NIM1K: variants seen among roughly 807,000 people sequenced by gnomAD.
The protein encoded by NIM1K is NIM1 serine/threonine protein kinase, also known as serine/threonine-protein kinase NIM1.
NIM1K carries 35 observed loss-of-function variants against 37.1 expected under a neutral mutation model. The ratio of observed to expected loss-of-function variants is 0.94; its 90% confidence interval spans 0.72 to 1.25. The LOEUF (loss-of-function observed/expected upper bound fraction) is 1.25. Among genes scored for constraint, NIM1K ranks in the 50% most tolerant of loss-of-function variants. NIM1K has a pLI of 0.00. For synonymous variants in NIM1K, 234 were observed against 206.6 expected, an observed-to-expected ratio of 1.13 and a Z score of -1.14; for missense variants, 564 against 548.0, an observed-to-expected ratio of 1.03 and a Z score of -0.29.
At chr5:43,253,813 C>T (rs1014443930) in intron 2 of NIM1K, among the ~76,000 whole-genome samples, 2 of 152,052 alleles carry the variant, frequency 1.3e-5, no homozygotes, top group African/African-American at 4.8e-5. Context: ...GCACACGCCA[C>T]CATGCTCGGC....
chr5:43,248,997 G>C (rs564761928), intron 2 of NIM1K, among the ~76,000 whole-genome samples: 7 of 151,284 alleles, frequency 4.6e-5, no homozygotes, highest in African/African-American at 1.7e-4. Flanking sequence ...GCCTCATCCC[G>C]AGTAGCTGGG....
intron 1 of NIM1K, among the ~76,000 whole-genome samples, chr5:43,217,068 C>A (rs573155116): frequency 3.0e-4 from 46 of 152,308 alleles, no homozygotes; most frequent in African/African-American, 1.1e-3. Context: ...CCACTACTAT[C>A]AATTTTAGAA....
intron 1 of NIM1K, among the ~76,000 whole-genome samples, chr5:43,217,706 CT>C (rs1256361714): frequency 1.1e-4 from 13 of 113,348 alleles, no homozygotes; most frequent in Non-Finnish European, 2.0e-4. Context: ...GATCCTCTGT[CT>C]ATTTTTTTTT....
chr5:43,280,548 G>C lies in NIM1K; in HGVS notation c.1130G>C (p.Arg377Thr), dbSNP rs775542860. 9 of 1,614,058 alleles carry C rather than the reference G, an allele frequency of 5.6e-6. No individual in the cohort carries two copies. Residue 377 changes from arginine (R) to threonine (T), a missense_variant, in exon 4 of 4, where the codon AGA becomes ACA. Transcript: ENST00000326035. ...GAGCATATTCGAAATAACCAAGGGAGAGATGCTCGCAGCTCAATCACAGGG... is the reference window on the plus strand; with the variant it reads ...GAGCATATTCGAAATAACCAAGGGACAGATGCTCGCAGCTCAATCACAGGG... ...TEEHIRNNQG[R>T]DARSSITGVY...
At chr5:43,279,548 G>A (rs1319369020) in intron 3 of NIM1K, among the ~76,000 whole-genome samples, 1 of 152,200 alleles carries the variant, frequency 6.6e-6, no homozygotes, top group African/African-American at 2.4e-5. Context: ...AATTCTGTAA[G>A]GATAAAAGAG....
At chr5:43,232,669 T>G in intron 1 of NIM1K, 1 of 1,528,782 alleles carries the variant, frequency 6.5e-7, no homozygotes, top group South Asian at 1.3e-5. Context: ...AATGGAGAAC[T>G]GCAGCTTGGA....
chr5:43,245,621 C>A lies in NIM1K; in HGVS notation c.-155C>A. ...TACCACGTTCACTGCCTTCCTCTCA[C>A]TAAAGCCGAGAGGGAGGCTGCTCAG... On this transcript the variant is annotated 5_prime_UTR_variant, in exon 2 of 4. Transcript: ENST00000326035. 1.4e-6 allele frequency: 1 copy of A among 696,276 alleles called. No individual in the cohort carries two copies. Among genetic ancestry groups the A allele is most frequent in the Non-Finnish European group, 2.4e-6 (1 of 422,352 alleles). The allele number at this position is 696,276 out of a possible 1,614,324, so 43.1% of individuals were successfully genotyped here. A position where few individuals can be genotyped will look rare whatever the true frequency, so the allele number is the denominator to read the frequency against.
intron 3 of NIM1K, among the ~76,000 whole-genome samples, chr5:43,278,371 T>C (rs556115241): frequency 1.3e-5 from 2 of 152,280 alleles, no homozygotes; most frequent in East Asian, 3.9e-4. Context: ...TTTTAGTTCT[T>C]TGGTTACTTC....
intron 1 of NIM1K, chr5:43,232,723 G>T: frequency 7.5e-7 from 1 of 1,339,138 alleles, no homozygotes; most frequent in Non-Finnish European, 1.0e-6. Flanking sequence ...GAGCGGGGAG[G>T]TGAACCCAGA....
chr5:43,254,769 T>C (rs1236190616), intron 2 of NIM1K, among the ~76,000 whole-genome samples: 1 of 152,116 alleles, frequency 6.6e-6, no homozygotes, highest in Admixed American at 6.5e-5. Context: ...GTCTCAACTA[T>C]GGTTATCCAG....
intron 2 of NIM1K, among the ~76,000 whole-genome samples, chr5:43,256,987 A>G (rs1752955992): frequency 6.6e-6 from 1 of 152,210 alleles, no homozygotes; most frequent in South Asian, 2.1e-4. Flanking sequence ...CTAAGACGAC[A>G]CCCAAGTGAG....
intron 2 of NIM1K, 31 bp downstream of exon 2, chr5:43,246,098 G>A: frequency 1.3e-6 from 2 of 1,574,028 alleles, no homozygotes; most frequent in Non-Finnish European, 8.6e-7. Context: ...GGTCATCCCT[G>A]GCAGTATTGG....
rs534468423 is a variant in NIM1K at position 43,241,353 on chromosome 5, C to T, written c.-694-3729C>T. Reference sequence around the variant, plus strand: ...TTTTTCTTTTTTTTTTTTTTTGAGACGGAGTCTCGCTCTGCCTTTAGGCTG... The same window carrying T: ...TTTTTCTTTTTTTTTTTTTTTGAGATGGAGTCTCGCTCTGCCTTTAGGCTG... On this transcript the variant is annotated intron_variant, in intron 1 of 3. Transcript: ENST00000326035. Among the ~76,000 whole-genome samples the T allele has an allele frequency of 1.6e-3, 235 of 143,326 alleles. 3 individuals are homozygous for T. The highest frequency in any genetic ancestry group is 3.8e-3 in the Middle Eastern group (1 of 260). 94.0% of individuals were successfully genotyped at this position (143,326 alleles called of 152,430 possible). A position where few individuals can be genotyped will look rare whatever the true frequency, so the allele number is the denominator to read the frequency against.
Position 43,245,479 on chromosome 5 carries a change from G to A in NIM1K, c.-297G>A, listed in dbSNP as rs1177974783. 6 of 268,924 alleles carry A rather than the reference G, an allele frequency of 2.2e-5. No homozygotes were observed. The highest frequency in any genetic ancestry group is 3.5e-5 in the Non-Finnish European group (5 of 143,538). The allele number at this position is 268,924 out of a possible 1,614,324, so 16.7% of individuals were successfully genotyped here. ...AAGTTCCTGGAGTCCCATCAGGCCAGTGGGTATGTAACATGTGCCTAATTG... is the reference window on the plus strand; with the variant it reads ...AAGTTCCTGGAGTCCCATCAGGCCAATGGGTATGTAACATGTGCCTAATTG... On this transcript the variant is annotated 5_prime_UTR_variant, in exon 2 of 4. The change creates a new upstream start codon in the 5' untranslated region. Transcript: ENST00000326035.
intron 2 of NIM1K, among the ~76,000 whole-genome samples, chr5:43,265,335 T>C (rs1753126476): frequency 6.6e-6 from 1 of 152,230 alleles, no homozygotes; most frequent in Non-Finnish European, 1.5e-5. Flanking sequence ...CTTTTTTCTC[T>C]AAAATTCTCT....
intron 2 of NIM1K, among the ~76,000 whole-genome samples, chr5:43,264,508 T>A (rs1166774233): frequency 6.6e-6 from 1 of 152,226 alleles, no homozygotes; most frequent in Non-Finnish European, 1.5e-5. Flanking sequence ...TTTGAGCCTA[T>A]GTGTGTCTCT....
At position 43,204,081 on chromosome 5, in the gene NIM1K, G is replaced by GTTTTTT. The variant is rs70994605; in HGVS notation, c.-695+11686_-695+11691dup. 3.7e-3 allele frequency among the ~76,000 whole-genome samples: 315 copies of GTTTTTT among 85,386 alleles called. 26 individuals carry two copies. The highest frequency in any genetic ancestry group is 0.013 in the African/African-American group (271 of 21,126). 56.0% of individuals were successfully genotyped at this position (85,386 alleles called of 152,430 possible). ...TTTACTATCACTGATAGTTCCAATGGTTTTTTTTTTTTTTTTTTTTTGAGA... is the reference window on the plus strand; with the variant it reads ...TTTACTATCACTGATAGTTCCAATGGTTTTTTTTTTTTTTTTTTTTTTTTTTTGAGA... On this transcript the variant is annotated intron_variant, in intron 1 of 3. Transcript: ENST00000326035.
intron 2 of NIM1K, among the ~76,000 whole-genome samples, chr5:43,250,372 T>G (rs983055776): frequency 6.6e-6 from 1 of 152,240 alleles, no homozygotes; most frequent in Non-Finnish European, 1.5e-5. Flanking sequence ...GGTTAACATT[T>G]GGATCATTTC....
At chr5:43,224,286 G>A (rs1752422436) in intron 1 of NIM1K, among the ~76,000 whole-genome samples, 1 of 151,890 alleles carries the variant, frequency 6.6e-6, no homozygotes, top group Non-Finnish European at 1.5e-5. Flanking sequence ...TAATCTACCT[G>A]CATTGCTTGG....
Sources: allele counts gnomAD v4.1 joint callset (sites outside exome capture counted in the v4.1 genomes callset), GRCh38; gene constraint gnomAD v4.1.1; transcripts MANE v1.5; gene names NCBI Gene and HGNC (gene_info 2026-07-23, HGNC 2026-07-21).